The following TBX20 variants were observed in gnomAD, a reference collection of about 807,000 sequenced individuals.
TBX20 encodes T-box transcription factor 20, also known as T-box transcription factor TBX20.
A neutral mutation model predicts 42.9 loss-of-function variants in TBX20; 8 were observed. The observed-to-expected ratio is 0.19, with a 90% CI of 0.11 to 0.34. The LOEUF is 0.34. Ranked by LOEUF, TBX20 falls within the 10% of genes least tolerant of loss-of-function variation. The probability of loss-of-function intolerance (pLI) is 1.00; values close to 1 mark genes in which losing one functional copy is unlikely to be tolerated. For missense variants in TBX20, 411 were observed against 566.0 expected (o/e 0.73, Z 2.78); for synonymous variants, 198 against 222.8 (o/e 0.89, Z 0.99).
chr7:35,244,816 C>G, intron 4 of TBX20, 133 bp downstream of exon 4: 1 of 691,866 alleles, frequency 1.4e-6, no homozygotes, highest in South Asian at 1.5e-5. Context: ...CATAAATGTT[C>G]CCATAAAATG....
intron 7 of TBX20, among the ~76,000 whole-genome samples, chr7:35,203,737 A>G (rs1584337430): frequency 1.3e-5 from 2 of 152,220 alleles, no homozygotes; most frequent in East Asian, 3.9e-4. Flanking sequence ...GTTGTTCAAG[A>G]GTCAACTGTA....
chr7:35,221,498 CAAGT>C (rs1789684090), intron 6 of TBX20, among the ~76,000 whole-genome samples: 2 of 151,988 alleles, frequency 1.3e-5, no homozygotes, highest in Admixed American at 6.6e-5. Flanking sequence ...AGAGAAGAAA[CAAGT>C]AAGTTTCCAA....
chr7:35,206,030 T>G (rs1253578717), intron 6 of TBX20, among the ~76,000 whole-genome samples: 1 of 152,212 alleles, frequency 6.6e-6, no homozygotes, highest in Non-Finnish European at 1.5e-5. Flanking sequence ...AGGATATGTA[T>G]GTTCATATAT....
chr7:35,253,376 G>C, intron 1 of TBX20, 118 bp downstream of exon 1: 1 of 1,215,416 alleles, frequency 8.2e-7, no homozygotes, highest in Non-Finnish European at 1.2e-6. Context: ...TCTCCCACCC[G>C]CGATGTATGG....
chr7:35,253,652 G>C lies in TBX20; in HGVS notation c.-32C>G, dbSNP rs2128716632. The C allele has an allele frequency of 6.2e-7, 1 of 1,603,636 alleles. No individual in the cohort carries two copies. The highest frequency in any genetic ancestry group is 8.5e-7 in the Non-Finnish European group (1 of 1,175,934). The stretch of plus-strand genomic sequence containing the variant: ...CAGCACGCGGTCCTGGCCAGGGACG[G>C]GGTCGTCCGAACTGCCGTCCAGATT... On this transcript the variant is annotated 5_prime_UTR_variant, in exon 1 of 8. Transcript: ENST00000408931.
At chr7:35,224,345 T>C (rs1789734265) in intron 6 of TBX20, among the ~76,000 whole-genome samples, 1 of 152,216 alleles carries the variant, frequency 6.6e-6, no homozygotes, top group Non-Finnish European at 1.5e-5. Context: ...TATAAGTAGT[T>C]TAAATCCAGT....
At chr7:35,243,131 C>G (rs114571238) in intron 4 of TBX20, among the ~76,000 whole-genome samples, 2 of 152,220 alleles carry the variant, frequency 1.3e-5, no homozygotes, top group African/African-American at 4.8e-5. Context: ...GTGCATGCCA[C>G]CACATCCAGC....
At chr7:35,250,466 G>C (rs1315430906) in intron 1 of TBX20, among the ~76,000 whole-genome samples, 1 of 152,112 alleles carries the variant, frequency 6.6e-6, no homozygotes, top group African/African-American at 2.4e-5. Flanking sequence ...GCCCACTTTG[G>C]GAAATAAAAA....
At chr7:35,210,577 T>A (rs533865589) in intron 6 of TBX20, among the ~76,000 whole-genome samples, 2 of 152,296 alleles carry the variant, frequency 1.3e-5, no homozygotes, top group East Asian at 1.9e-4. Context: ...TCTGTTTTTT[T>A]ATACTTCTAT....
chr7:35,225,330 A>T (rs1789751018), intron 6 of TBX20, among the ~76,000 whole-genome samples: 1 of 152,192 alleles, frequency 6.6e-6, no homozygotes, highest in Non-Finnish European at 1.5e-5. Flanking sequence ...ATACAAAAAT[A>T]TACTTTATGT....
rs574203846 is a variant in TBX20, at chr7:35,252,217, T to G, written c.127+1277A>C. ...TCAGGGGCCCCTAAACAGCAATGTA[T>G]AATGTTGAGAAGTCGCACAATATAA... is the stretch of plus-strand genomic sequence containing the variant. On this transcript the variant is annotated intron_variant, in intron 1 of 7. Transcript: ENST00000408931. 7.2e-5 allele frequency among the ~76,000 whole-genome samples: 11 copies of G among 152,306 alleles called. No homozygotes were observed. The South Asian group carries it at 2.3e-3, about 32-fold the overall frequency.
chr7:35,238,278 C>T (rs1014796881), intron 5 of TBX20, among the ~76,000 whole-genome samples: 1 of 152,124 alleles, frequency 6.6e-6, no homozygotes, highest in African/African-American at 2.4e-5. Context: ...AACACTTACG[C>T]AGTCTTGGTC....
intron 6 of TBX20, among the ~76,000 whole-genome samples, chr7:35,219,988 T>C (rs1174849086): frequency 2.6e-5 from 4 of 152,156 alleles, no homozygotes; most frequent in African/African-American, 7.2e-5. Flanking sequence ...TTTGGACCAA[T>C]AGGGTGATAT....
intron 6 of TBX20, among the ~76,000 whole-genome samples, chr7:35,206,895 T>C (rs552549780): frequency 6.6e-6 from 1 of 152,348 alleles, no homozygotes; most frequent in East Asian, 1.9e-4. Context: ...TTATATTGCA[T>C]GGATATATTA....
At position 35,214,381 on chromosome 7, in the gene TBX20, A is replaced by G. The variant is rs371861539; in HGVS notation, c.891-9799T>C. Among the ~76,000 whole-genome samples the G allele has an allele frequency of 5.1e-3, 774 of 152,284 alleles. 6 individuals carry two copies. The highest frequency in any genetic ancestry group is 7.7e-3 in the South Asian group (37 of 4,828). Reference sequence around the variant, plus strand: ...TAGTGAGTCCATTATCACTTGTTTAAAAGTGTAACCTATTTTTAAATATCC... The same window carrying G: ...TAGTGAGTCCATTATCACTTGTTTAGAAGTGTAACCTATTTTTAAATATCC... On this transcript the variant is annotated intron_variant, in intron 6 of 7. Coordinates refer to ENST00000408931, the MANE Select transcript of TBX20 (RefSeq NM_001077653.2).
chr7:35,246,897 A>T (rs1790199847), intron 3 of TBX20, among the ~76,000 whole-genome samples: 2 of 152,126 alleles, frequency 1.3e-5, no homozygotes, highest in Non-Finnish European at 2.9e-5. Flanking sequence ...AAAAAGCTGA[A>T]CTAGGATTAA....
chr7:35,228,887 A>G (rs963381267), intron 6 of TBX20, among the ~76,000 whole-genome samples: 1 of 152,218 alleles, frequency 6.6e-6, no homozygotes, highest in African/African-American at 2.4e-5. Flanking sequence ...GTTTTCTTTT[A>G]GAAATGAGGA....
rs576107359 is a variant in TBX20, at chr7:35,218,582, TA to T, written c.890+12921del. 8.3e-4 allele frequency among the ~76,000 whole-genome samples: 126 copies of T among 152,358 alleles called. 1 individual carries two copies. The South Asian group carries it at 0.013, about 16-fold the overall frequency. ...ATATAATTTTAAAATATGTTTTTAC[TA>T]TTTTTTTAATATGTGAGAAAGAATA... On this transcript the variant is annotated intron_variant, in intron 6 of 7. Transcript: ENST00000408931.
intron 5 of TBX20, among the ~76,000 whole-genome samples, chr7:35,235,248 T>C (rs1260916247): frequency 1.3e-5 from 2 of 151,434 alleles, no homozygotes; most frequent in Non-Finnish European, 2.9e-5. Flanking sequence ...AAATTCATTT[T>C]TAAGGTGTAG....
Sources: allele counts gnomAD v4.1 joint callset (sites outside exome capture counted in the v4.1 genomes callset), GRCh38; gene constraint gnomAD v4.1.1; transcripts MANE v1.5; gene names NCBI Gene and HGNC (gene_info 2026-07-23, HGNC 2026-07-21).